ADCY7: variants seen among roughly 807,000 people sequenced by gnomAD.
ADCY7 encodes the protein adenylate cyclase 7.
ADCY7 carries 72 observed loss-of-function variants against 120.6 expected under a neutral mutation model. That is an observed-to-expected ratio of 0.60 (90% CI 0.49 to 0.73). The LOEUF is 0.73. Among genes scored for constraint, ADCY7 ranks in the 30% least tolerant of loss-of-function variants. The pLI is 0.00. For synonymous variants in ADCY7, 661 were observed against 628.0 expected (o/e 1.05, Z -0.78); for missense variants, 1,227 against 1,486.0 (o/e 0.83, Z 2.87).
chr16:50,262,260 C>CT (rs397977712), upstream of ADCY7, among the ~76,000 whole-genome samples: 7,330 of 142,138 alleles, frequency 0.052, 296 homozygotes, highest in African/African-American at 0.11. Flanking sequence ...CCTCAGATCT[C>CT]TTTTTTTTTT....
chr16:50,298,933 C>T lies in ADCY7; in HGVS notation c.978C>T (p.Leu326=), dbSNP rs528212266. ...ACGAGTGCATGCGAATCAAGATCCT[C>T]GGCGACTGCTACTACTGTGTATCGG... ...KANECMRIKI[L]GDCYYCVSGL... is the part of the protein sequence containing the mutation. The change falls in exon 8 of 26, where the codon CTC becomes CTT. Residue 326 remains leucine (L), a synonymous_variant. Transcript: ENST00000673801. 1.5e-5 allele frequency: 25 copies of T among 1,613,962 alleles called. No homozygotes were observed. In the East Asian group the frequency reaches 2.5e-4, roughly 16 times the overall value.
Position 50,304,152 on chromosome 16 carries a change from C to T in ADCY7, c.1369-208C>T, listed in dbSNP as rs573789578. The stretch of plus-strand genomic sequence containing the variant: ...CGAGCTGGGACCCCATATGGCCTGG[C>T]CTCAGAGTGCACCAGGCTTTGGCTG... On this transcript the variant is annotated intron_variant, in intron 10 of 25. Coordinates refer to ENST00000673801, the MANE Select transcript of ADCY7 (RefSeq NM_001114.5). Among the ~76,000 whole-genome samples, 9 of 152,276 alleles carry T rather than the reference C, an allele frequency of 5.9e-5. No homozygotes were observed. The South Asian group carries it at 1.9e-3, about 32-fold the overall frequency.
Position 50,304,548 on chromosome 16 carries a change from TA to T in ADCY7, c.1559del (p.Lys520ArgfsTer83). 6.5e-7 allele frequency: 1 copy of T among 1,540,158 alleles called. No homozygotes were observed. Among genetic ancestry groups the T allele is most frequent in the Admixed American group, 2.0e-5 (1 of 49,850 alleles). ...CCCACGTCCCCAACGGGCGGAGGCC[TA>T]AGGTAGGTCCCCCTCCCACCCAGAA... Reference protein sequence around the residue: ...ETHVPNGRRPKSVPQRHRRTP... With the variant: ...ETHVPNGRRPXSVPQRHRRTP... On this transcript the variant is annotated frameshift_variant and splice_region_variant, in exon 11 of 26. Transcript: ENST00000673801. LOFTEE classifies it high-confidence loss of function.
chr16:50,257,854 C>T (rs1354819699), intron 1 of ADCY7, among the ~76,000 whole-genome samples: 1 of 151,848 alleles, frequency 6.6e-6, no homozygotes, highest in East Asian at 1.9e-4. Flanking sequence ...GTGATCCTCC[C>T]ACCTCAGCCT....
chr16:50,275,878 G>A (rs2033855034), intron 1 of ADCY7, among the ~76,000 whole-genome samples: 1 of 152,170 alleles, frequency 6.6e-6, no homozygotes, highest in Non-Finnish European at 1.5e-5. Flanking sequence ...GAAATGGAGC[G>A]AGAGCACCCC....
At chr16:50,311,819 C>T (rs1567582212) in intron 20 of ADCY7, 33 bp downstream of exon 20, 1 of 1,349,706 alleles carries the variant, frequency 7.4e-7, no homozygotes, top group Non-Finnish European at 1.0e-6. Flanking sequence ...CCCCCCCAAG[C>T]TCTGCCCACT....
In ADCY7 at chr16:50,316,978, T is replaced by C. The variant is rs996561874; in HGVS notation, c.*1473T>C. ...CAAGATGATTATACAGGGTTGCAGA[T>C]TGGGTGACTGACCAGACTTGTTGGG... On this transcript the variant is annotated 3_prime_UTR_variant, in exon 26 of 26. Coordinates refer to ENST00000673801, the MANE Select transcript of ADCY7 (RefSeq NM_001114.5). The C allele has an allele frequency of 6.5e-6, 1 of 152,706 alleles. No homozygotes were observed. The highest frequency in any genetic ancestry group is 2.4e-5 in the African/African-American group (1 of 41,416). The allele number at this position is 152,706 out of a possible 1,614,324, so 9.5% of individuals were successfully genotyped here. A position where few individuals can be genotyped will look rare whatever the true frequency, so the allele number is the denominator to read the frequency against.
chr16:50,254,336 A>C (rs1596791245), intron 1 of ADCY7, among the ~76,000 whole-genome samples: 1 of 152,168 alleles, frequency 6.6e-6, no homozygotes, highest in African/African-American at 2.4e-5. Flanking sequence ...GCACCCTGTC[A>C]CTTCATCTGT....
In ADCY7 at chr16:50,291,818, T is replaced by C. The variant is rs748019237; in HGVS notation, c.458T>C (p.Val153Ala). The change falls in exon 4 of 26, where the codon GTC becomes GCC. Residue 153 changes from valine (V) to alanine (A), a missense_variant. Physicochemically the swap from Val to Ala is moderately conservative, Grantham distance 64 (BLOSUM62 0). This residue lies in a region of ADCY7 where 382 missense variants were observed against 411.4 expected (regional missense o/e 0.93). Coordinates refer to ENST00000673801, the MANE Select transcript of ADCY7 (RefSeq NM_001114.5). ...CGGGGCGCTGTCGCCGTTGGGGCCG[T>C]CTCCACTGCCTCCCACCTCCTGGTG... ...SMRGAVAVGAVSTASHLLVLG... is the reference protein window; with the variant it reads ...SMRGAVAVGAASTASHLLVLG... The C allele has an allele frequency of 1.2e-6, 2 of 1,613,844 alleles. No homozygotes were observed. Among genetic ancestry groups the C allele is most frequent in the Non-Finnish European group, 1.7e-6 (2 of 1,179,936 alleles).
chr16:50,247,918 G>A (rs1000782965), intron 1 of ADCY7, among the ~76,000 whole-genome samples: 5 of 152,116 alleles, frequency 3.3e-5, no homozygotes, highest in Non-Finnish European at 7.4e-5. Context: ...AGGAGAGCAG[G>A]GAGAGCTGAG....
At chr16:50,266,107 C>A (rs866942820), upstream of ADCY7, among the ~76,000 whole-genome samples, 1 of 152,138 alleles carries the variant, frequency 6.6e-6, no homozygotes, top group South Asian at 2.1e-4. Flanking sequence ...CTCTCCTGGG[C>A]CCCTCTCAGA....
chr16:50,306,288 C>T (rs749927347), intron 14 of ADCY7, among the ~76,000 whole-genome samples: 4 of 150,674 alleles, frequency 2.7e-5, no homozygotes, highest in Admixed American at 6.6e-5. Context: ...GCAGCATCCT[C>T]GGCACCCACA....
chr16:50,300,074 G>A (rs2035616401), intron 8 of ADCY7, among the ~76,000 whole-genome samples: 1 of 152,066 alleles, frequency 6.6e-6, no homozygotes, highest in African/African-American at 2.4e-5. Context: ...GTAGACGCCA[G>A]TAAACTTTAT....
chr16:50,313,744 G>C (rs985476963), intron 22 of ADCY7: 6 of 571,254 alleles, frequency 1.1e-5, no homozygotes, highest in Non-Finnish European at 3.1e-6. Flanking sequence ...GAGGGAGACA[G>C]TGTGGGGACG....
Position 50,294,618 on chromosome 16 carries a change from TCCCA to T in ADCY7, c.837-18_837-15del. On this transcript the variant is annotated intron_variant, in intron 6 of 25. Transcript: ENST00000673801. Reference sequence around the variant, plus strand: ...CTAGGAGCCTGGCTCTGACACTCCCTCCCACCCTGCCCCATCCCCAGCATCCTCT... The same window carrying T: ...CTAGGAGCCTGGCTCTGACACTCCCTCCCTGCCCCATCCCCAGCATCCTCT... 1 of 809,290 alleles carries T rather than the reference TCCCA, an allele frequency of 1.2e-6. No homozygotes were observed. Among genetic ancestry groups the T allele is most frequent in the Non-Finnish European group, 2.1e-6 (1 of 470,520 alleles). The allele number at this position is 809,290 out of a possible 1,614,324, so 50.1% of individuals were successfully genotyped here.
intron 10 of ADCY7, chr16:50,301,561 C>T (rs1010269677): frequency 4.3e-5 from 10 of 234,600 alleles, no homozygotes; most frequent in East Asian, 9.5e-5. Flanking sequence ...CCCAGATTTC[C>T]GAGAGACACA....
chr16:50,282,172 G>A (rs2034313433), intron 1 of ADCY7, among the ~76,000 whole-genome samples: 1 of 152,214 alleles, frequency 6.6e-6, no homozygotes, highest in African/African-American at 2.4e-5. Context: ...TGTGGTTTCT[G>A]CCAACAGTGG....
At chr16:50,313,869 G>C in intron 22 of ADCY7, 89 bp from the exon 23 acceptor site, 1 of 1,071,418 alleles carries the variant, frequency 9.3e-7, no homozygotes, top group South Asian at 1.4e-5. Flanking sequence ...GATGGGTGGA[G>C]GGAACCCCAC....
intron 10 of ADCY7, among the ~76,000 whole-genome samples, chr16:50,302,380 A>G (rs12445243): frequency 0.63 from 95,302 of 152,056 alleles, 30,711 homozygotes; most frequent in Middle Eastern, 0.8. Context: ...TGAGTGAAGC[A>G]GAGCTCCTCA....
Sources: gnomAD v4.1 joint callset for allele counts (sites outside exome capture counted in the v4.1 genomes callset) on GRCh38, gnomAD v4.1.1 for gene constraint, gnomAD v4.1.1 regional missense constraint, MANE v1.5 for transcripts, NCBI Gene and HGNC (gene_info 2026-07-23, HGNC 2026-07-21) for gene names.